The following ZNF394 variants were observed in gnomAD, a reference collection of about 807,000 sequenced individuals.
The protein encoded by ZNF394 is zinc finger protein 394.
In ZNF394, 19 loss-of-function variants were observed where a neutral mutation model predicts 21.8. That is an observed-to-expected ratio of 0.87 (90% CI 0.61 to 1.28). The LOEUF (loss-of-function observed/expected upper bound fraction) is 1.28. Ranked by LOEUF, ZNF394 falls within the 50% of genes most tolerant of loss-of-function variation. The probability of loss-of-function intolerance (pLI) is 0.00; values close to 1 mark genes in which losing one functional copy is unlikely to be tolerated. For synonymous variants in ZNF394, 294 were observed against 273.3 expected, an observed-to-expected ratio of 1.08 and a Z score of -0.75; for missense variants, 683 against 708.6, an observed-to-expected ratio of 0.96 and a Z score of 0.41.
At chr7:99,492,999 G>A (rs768601516), downstream of ZNF394, among the ~76,000 whole-genome samples, 33 of 152,000 alleles carry the variant, frequency 2.2e-4, no homozygotes, top group Admixed American at 1.9e-3. Flanking sequence ...ACAGAACCCC[G>A]TTACATGTCA....
chr7:99,494,278 G>A lies in ZNF394; in HGVS notation c.937C>T (p.His313Tyr). Reference protein sequence around the residue: ...KAERPTDSEEHGNKCKQSFHM... With the variant: ...KAERPTDSEEYGNKCKQSFHM... ...AAACTTTGCTTGCACTTGTTCCCGT[G>A]TTCCTCACTGTCAGTGGGCCTCTCT... The change falls in exon 3 of 3, where the codon CAC becomes TAC. Residue 313 changes from histidine (H) to tyrosine (Y), a missense_variant. This residue lies in a region of ZNF394 where 274 missense variants were observed against 314.1 expected (regional missense o/e 0.87). Coordinates refer to ENST00000337673, the MANE Select transcript of ZNF394 (RefSeq NM_032164.4). 6.2e-7 allele frequency: 1 copy of A among 1,614,238 alleles called. No individual in the cohort carries two copies. Among genetic ancestry groups the A allele is most frequent in the South Asian group, 1.1e-5 (1 of 91,090 alleles).
At position 99,487,498 on chromosome 7, in the gene ZNF394, G is replaced by T. The variant is rs1204084509; in HGVS notation, n.84-535C>A. 3 of 1,600,234 alleles carry T rather than the reference G, an allele frequency of 1.9e-6. No homozygotes were observed. In the African/African-American group the frequency reaches 4.0e-5, roughly 22 times the overall value. ...ACAGATATCCACATGATGTTAATTG[G>T]AAAGCAGTCATTGGAGAACTAGAAC... On this transcript the variant is annotated intron_variant and non_coding_transcript_variant, in intron 1 of 1. Transcript: ENST00000462024.
chr7:99,499,596 T>C, intron 1 of ZNF394, 42 bp downstream of exon 1: 1 of 1,513,862 alleles, frequency 6.6e-7, no homozygotes, highest in Non-Finnish European at 8.8e-7. Flanking sequence ...AAACGCCTAT[T>C]TTCCACACTC....
chr7:99,498,952 T>C (rs1800424028), intron 1 of ZNF394, 110 bp from the exon 2 acceptor site: 7 of 1,400,958 alleles, frequency 5.0e-6, no homozygotes, highest in Non-Finnish European at 5.7e-6. Flanking sequence ...AGATAGAGGC[T>C]GACATTCTCT....
At chr7:99,491,846 G>A (rs866193460), downstream of ZNF394, among the ~76,000 whole-genome samples, 3 of 150,414 alleles carry the variant, frequency 2.0e-5, no homozygotes, top group South Asian at 2.1e-4. Flanking sequence ...AGGCCAAGGC[G>A]GGCGGATCAT....
intron 1 of ZNF394, chr7:99,487,439 C>T (rs757048675): frequency 6.2e-7 from 1 of 1,614,212 alleles, no homozygotes; most frequent in Non-Finnish European, 8.5e-7. Context: ...AAGTGGCACA[C>T]AAGCTTTATT....
At chr7:99,492,163 A>G (rs1315281585), downstream of ZNF394, among the ~76,000 whole-genome samples, 1 of 152,098 alleles carries the variant, frequency 6.6e-6, no homozygotes, top group Non-Finnish European at 1.5e-5. Context: ...ACTATGCAAA[A>G]TTAGGTTTTC....
At chr7:99,490,341 G>T (rs1443304573), downstream of ZNF394, among the ~76,000 whole-genome samples, 1 of 151,944 alleles carries the variant, frequency 6.6e-6, no homozygotes, top group African/African-American at 2.4e-5. Flanking sequence ...TTTCAGTAGA[G>T]ATGGGGTTTC....
At chr7:99,487,997 A>G (rs1270733900) in intron 1 of ZNF394, among the ~76,000 whole-genome samples, 2 of 143,554 alleles carry the variant, frequency 1.4e-5, no homozygotes, top group Non-Finnish European at 3.0e-5. Context: ...GCGTGAACCC[A>G]GGAGGCGGAG....
rs1040961740 is a variant in ZNF394 at position 99,500,066 on chromosome 7, GC to G, written c.27del (p.Arg9SerfsTer12). On this transcript the variant is annotated frameshift_variant, in exon 1 of 3. Coordinates refer to ENST00000337673, the MANE Select transcript of ZNF394 (RefSeq NM_032164.4). LOFTEE classifies it high-confidence loss of function. ...GGTCCCAACTCGGCGTCACTGCCGC[GC>G]CTCTGGGCGGTCAAGCTGGAATTCA... MNSSLTAQRRGSDAELGPW... is the reference protein window; with the variant it reads MNSSLTAQXRGSDAELGPW... 3 of 1,572,440 alleles carry G rather than the reference GC, an allele frequency of 1.9e-6. No individual in the cohort carries two copies. In the African/African-American group the frequency reaches 4.1e-5, roughly 21 times the overall value.
chr7:99,493,289 C>T lies in ZNF394; in HGVS notation c.*240G>A. 1 of 1,215,408 alleles carries T rather than the reference C, an allele frequency of 8.2e-7. No homozygotes were observed. Among genetic ancestry groups the T allele is most frequent in the Non-Finnish European group, 1.0e-6 (1 of 969,936 alleles). The allele number at this position is 1,215,408 out of a possible 1,614,324, so 75.3% of individuals were successfully genotyped here. ...ATTTCTTTTTTGAGATGGAGTCTCGCTCTGTTGCCCAGGCTGGAGTGCAGT... is the reference window on the plus strand; with the variant it reads ...ATTTCTTTTTTGAGATGGAGTCTCGTTCTGTTGCCCAGGCTGGAGTGCAGT... On this transcript the variant is annotated 3_prime_UTR_variant, in exon 3 of 3. Transcript: ENST00000337673.
At position 99,494,314 on chromosome 7, in the gene ZNF394, T is replaced by C; in HGVS notation, c.901A>G (p.Ile301Val). The stretch of plus-strand genomic sequence containing the variant: ...TCAGTGGGCCTCTCTGCTTTCGGGA[T>C]GTGCTGACATAGAACAAGGTTGGAA... ...RCSNLVLCQH[I>V]PKAERPTDSE... is the part of the protein sequence containing the mutation. Residue 301 changes from isoleucine (I) to valine (V), a missense_variant, in exon 3 of 3, where the codon ATC (isoleucine) becomes GTC (valine). Physicochemically the swap from Ile to Val is conservative, Grantham distance 29. Transcript: ENST00000337673. The C allele has an allele frequency of 1.9e-6, 3 of 1,614,246 alleles. No individual in the cohort carries two copies. The highest frequency in any genetic ancestry group is 2.5e-6 in the Non-Finnish European group (3 of 1,180,046).
downstream of ZNF394, among the ~76,000 whole-genome samples, chr7:99,490,057 T>TA (rs1268308098): frequency 1.3e-5 from 2 of 151,312 alleles, no homozygotes; most frequent in African/African-American, 4.9e-5. Context: ...GTCATGCCTG[T>TA]AATCCCCAAC....
chr7:99,499,851 C>A lies in ZNF394; in HGVS notation c.243G>T (p.Ala81=). 1 of 1,614,152 alleles carries A rather than the reference C, an allele frequency of 6.2e-7. No individual in the cohort carries two copies. ...GACAGAGTTCTCGGAGCCGGCTCAG[C>A]GCCTCTTCCGGTCCAGCCACCTCCT... ...RYQEVAGPEE[A]LSRLRELCRR... Residue 81 remains alanine (A), a synonymous_variant, in exon 1 of 3, where the codon GCG becomes GCT. Coordinates refer to ENST00000337673, the MANE Select transcript of ZNF394 (RefSeq NM_032164.4).
At chr7:99,488,987 A>G (rs1230301985), downstream of ZNF394, among the ~76,000 whole-genome samples, 6 of 148,752 alleles carry the variant, frequency 4.0e-5, no homozygotes, top group Non-Finnish European at 8.9e-5. Context: ...TTAGATTCTG[A>G]TAAGAGTTGT....
In ZNF394 at chr7:99,493,970, G is replaced by A. The variant is rs145840389; in HGVS notation, c.1245C>T (p.Thr415=). The A allele has an allele frequency of 3.1e-6, 5 of 1,614,096 alleles. No homozygotes were observed. In the African/African-American group the frequency reaches 5.3e-5, roughly 17 times the overall value. The change falls in exon 3 of 3, where the codon ACC becomes ACT. Residue 415 remains threonine (T), a synonymous_variant. Coordinates refer to ENST00000337673, the MANE Select transcript of ZNF394 (RefSeq NM_032164.4). Reference sequence around the variant, plus strand: ...TGAAGCGCTCCCCACATTTCAGACAGGTGTACGGCTTCTCGCCTGTGTGTG... The same window carrying A: ...TGAAGCGCTCCCCACATTTCAGACAAGTGTACGGCTTCTCGCCTGTGTGTG... The part of the protein sequence containing the change: ...QRTHTGEKPY[T]CLKCGERFRQ...
downstream of ZNF394, among the ~76,000 whole-genome samples, chr7:99,492,075 GAAAAAAAA>G (rs397948314): frequency 6.3e-5 from 3 of 47,708 alleles, no homozygotes; most frequent in East Asian, 1.2e-3. Context: ...TCCGTCTCAA[GAAAAAAAA>G]AAAAAAAAAA....
chr7:99,490,280 G>A (rs1027765195), downstream of ZNF394, among the ~76,000 whole-genome samples: 1 of 149,682 alleles, frequency 6.7e-6, no homozygotes, highest in African/African-American at 2.5e-5. Context: ...TCAGCCTCCT[G>A]AGTAGCTGGG....
In ZNF394 at chr7:99,493,525, G is replaced by A; in HGVS notation, c.*4C>T. ...GCCTGCCTTGGCCTCCCAAAGTGCT[G>A]GGATTATAGGCGTGAGCCACCACGC... On this transcript the variant is annotated 3_prime_UTR_variant, in exon 3 of 3. Transcript: ENST00000337673. 6.3e-7 allele frequency: 1 copy of A among 1,584,516 alleles called. No homozygotes were observed.
Sources: gnomAD v4.1 joint callset for allele counts (sites outside exome capture counted in the v4.1 genomes callset) on GRCh38, gnomAD v4.1.1 for gene constraint, gnomAD v4.1.1 regional missense constraint, MANE v1.5 for transcripts, NCBI Gene and HGNC (gene_info 2026-07-23, HGNC 2026-07-21) for gene names.